Variants in TYW1 observed in about 807,000 individuals in gnomAD.
TYW1 encodes the protein tRNA-yW synthesizing protein 1 homolog.
In TYW1, 46 loss-of-function variants were observed where a neutral mutation model predicts 96.2. The observed-to-expected ratio is 0.48, with a 90% CI of 0.38 to 0.61. The LOEUF is 0.61. Among genes scored for constraint, TYW1 ranks in the 20% least tolerant of loss-of-function variants. The probability of loss-of-function intolerance (pLI) is 0.00; values close to 1 mark genes in which losing one functional copy is unlikely to be tolerated. For missense variants in TYW1, 684 were observed against 909.6 expected, an observed-to-expected ratio of 0.75 and a Z score of 3.19; for synonymous variants, 274 against 323.0, an observed-to-expected ratio of 0.85 and a Z score of 1.63.
At chr7:67,145,109 A>G (rs1438219499) in intron 13 of TYW1, among the ~76,000 whole-genome samples, 1 of 146,036 alleles carries the variant, frequency 6.8e-6, no homozygotes, top group African/African-American at 2.6e-5. Flanking sequence ...GACCAATACA[A>G]TGGCTATTGT....
At chr7:67,096,539 T>A (rs764556179) in intron 11 of TYW1, among the ~76,000 whole-genome samples, 4 of 152,200 alleles carry the variant, frequency 2.6e-5, no homozygotes, top group Non-Finnish European at 5.9e-5. Context: ...AATCATTGAT[T>A]TAGAACTATC....
intron 11 of TYW1, among the ~76,000 whole-genome samples, chr7:67,084,393 C>G (rs1375889634): frequency 6.6e-6 from 1 of 152,190 alleles, no homozygotes; most frequent in African/African-American, 2.4e-5. Context: ...ATTGACTTCA[C>G]TGGAGGTTAC....
At chr7:67,038,066 C>T (rs1419296107) in intron 7 of TYW1, among the ~76,000 whole-genome samples, 6 of 151,930 alleles carry the variant, frequency 3.9e-5, no homozygotes, top group Non-Finnish European at 7.4e-5. Context: ...TTTGGGAGGC[C>T]GAGGCGGGCA....
chr7:67,232,684 C>T (rs1192415393), intron 15 of TYW1, among the ~76,000 whole-genome samples: 1 of 127,096 alleles, frequency 7.9e-6, no homozygotes, highest in Admixed American at 8.1e-5. Flanking sequence ...TTGGGCTGGT[C>T]AGTAGGGTCT....
chr7:67,088,938 G>A (rs1034981205), intron 11 of TYW1, among the ~76,000 whole-genome samples: 1 of 152,080 alleles, frequency 6.6e-6, no homozygotes, highest in Non-Finnish European at 1.5e-5. Context: ...AAATGCTTAC[G>A]AACAGATTTC....
At chr7:67,143,266 G>T (rs1427470933) in intron 13 of TYW1, among the ~76,000 whole-genome samples, 1 of 152,160 alleles carries the variant, frequency 6.6e-6, no homozygotes, top group Non-Finnish European at 1.5e-5. Context: ...AATTGTTTGT[G>T]TGGGAGATAG....
chr7:67,173,554 A>G (rs937671044), intron 13 of TYW1, among the ~76,000 whole-genome samples: 1 of 152,254 alleles, frequency 6.6e-6, no homozygotes, highest in South Asian at 2.1e-4. Flanking sequence ...GATTTTCTAC[A>G]TAGATAATCA....
In TYW1 at chr7:67,009,702, T is replaced by G; in HGVS notation, c.375+18T>G. 6.3e-7 allele frequency: 1 copy of G among 1,576,500 alleles called. No individual in the cohort carries two copies. Among genetic ancestry groups the G allele is most frequent in the Non-Finnish European group, 8.6e-7 (1 of 1,163,520 alleles). On this transcript the variant is annotated intron_variant, in intron 4 of 15. Transcript: ENST00000359626. Reference sequence around the variant, plus strand: ...TAGAAGAGGTTGGTAATTGTCTTTTTCTTCAGTCAAAACTCTCAAATTTAA... The same window carrying G: ...TAGAAGAGGTTGGTAATTGTCTTTTGCTTCAGTCAAAACTCTCAAATTTAA...
intron 15 of TYW1, among the ~76,000 whole-genome samples, chr7:67,199,347 A>C (rs1206776328): frequency 1.3e-5 from 2 of 152,176 alleles, no homozygotes; most frequent in Non-Finnish European, 2.9e-5. Flanking sequence ...CCCGGTGTCC[A>C]CATCTCCCTC....
At chr7:67,058,563 G>A (rs1250388255) in intron 9 of TYW1, among the ~76,000 whole-genome samples, 1 of 152,022 alleles carries the variant, frequency 6.6e-6, no homozygotes, top group Non-Finnish European at 1.5e-5. Context: ...GCTCACTGCA[G>A]CCTCCCACCT....
chr7:67,228,556 T>TTA (rs1480055373), intron 15 of TYW1, among the ~76,000 whole-genome samples: 1 of 152,192 alleles, frequency 6.6e-6, no homozygotes, highest in Non-Finnish European at 1.5e-5. Flanking sequence ...TTCTGACCAT[T>TTA]TGCTTTTTAA....
intron 15 of TYW1, among the ~76,000 whole-genome samples, chr7:67,196,435 T>TCATTCA (rs562125479): frequency 0.058 from 8,887 of 152,246 alleles, 345 homozygotes; most frequent in Non-Finnish European, 0.084. Flanking sequence ...TCATGTTGCC[T>TCATTCA]TGTCTTCTCC....
At chr7:67,155,069 G>T (rs1461610120) in intron 13 of TYW1, among the ~76,000 whole-genome samples, 1 of 152,066 alleles carries the variant, frequency 6.6e-6, no homozygotes, top group East Asian at 1.9e-4. Context: ...GTTGATCTGT[G>T]TTATAATCCA....
At chr7:67,161,512 C>T (rs988923747) in intron 13 of TYW1, among the ~76,000 whole-genome samples, 1 of 152,144 alleles carries the variant, frequency 6.6e-6, no homozygotes, top group Non-Finnish European at 1.5e-5. Flanking sequence ...GTTATTTTTG[C>T]ATGCCTGTGT....
chr7:67,228,668 T>C (rs1426453672), intron 15 of TYW1, among the ~76,000 whole-genome samples: 1 of 152,258 alleles, frequency 6.6e-6, no homozygotes, highest in Non-Finnish European at 1.5e-5. Context: ...TCAGCTCATA[T>C]ATAAGATTTC....
chr7:67,075,645 T>C lies in TYW1; in HGVS notation c.1275-7785T>C, dbSNP rs531656439. Among the ~76,000 whole-genome samples, 144 of 152,328 alleles carry C rather than the reference T, an allele frequency of 9.5e-4. 1 individual carries two copies. Among genetic ancestry groups the C allele is most frequent in the Non-Finnish European group, 1.7e-3 (119 of 68,018 alleles). On this transcript the variant is annotated intron_variant, in intron 10 of 15. Coordinates refer to ENST00000359626, the MANE Select transcript of TYW1 (RefSeq NM_018264.4). Reference sequence around the variant, plus strand: ...ACAACAGGCTGCATCTATAGTAAGATTGCATTTCTGTGCATTGCCTAGAAT... The same window carrying C: ...ACAACAGGCTGCATCTATAGTAAGACTGCATTTCTGTGCATTGCCTAGAAT...
chr7:67,028,615 A>G (rs955784558), intron 7 of TYW1, among the ~76,000 whole-genome samples: 1 of 152,222 alleles, frequency 6.6e-6, no homozygotes, highest in Non-Finnish European at 1.5e-5. Context: ...CAAAACTCCA[A>G]AGCTGGATGA....
chr7:66,999,878 G>C (rs960246303), intron 3 of TYW1, among the ~76,000 whole-genome samples: 1 of 152,040 alleles, frequency 6.6e-6, no homozygotes, highest in Non-Finnish European at 1.5e-5. Context: ...TTATCTCAGG[G>C]TCACTGTGAG....
chr7:67,212,444 A>G (rs1035341489), intron 15 of TYW1, among the ~76,000 whole-genome samples: 18 of 152,172 alleles, frequency 1.2e-4, no homozygotes, highest in Admixed American at 1.2e-3. Flanking sequence ...AATTATGAAC[A>G]AAGCTGCTAT....
Sources: allele counts gnomAD v4.1 joint callset (sites outside exome capture counted in the v4.1 genomes callset), GRCh38; gene constraint gnomAD v4.1.1; transcripts MANE v1.5; gene names NCBI Gene and HGNC (gene_info 2026-07-23, HGNC 2026-07-21).